MYO5B: variants seen among roughly 807,000 people sequenced by gnomAD.
The protein encoded by MYO5B is myosin VB.
MYO5B carries 143 observed loss-of-function variants against 229.3 expected under a neutral mutation model. The observed-to-expected ratio is 0.62, with a 90% CI of 0.54 to 0.72. The LOEUF (loss-of-function observed/expected upper bound fraction) is 0.72, where lower values mean the gene tolerates loss of function less well. Ranked by LOEUF, MYO5B falls within the 30% of genes least tolerant of loss-of-function variation. MYO5B has a pLI of 0.00. For synonymous variants in MYO5B, 918 were observed against 885.2 expected (o/e 1.04, Z -0.66); for missense variants, 2,321 against 2,331.0 (o/e 1.00, Z 0.09).
intron 1 of MYO5B, among the ~76,000 whole-genome samples, chr18:50,173,424 G>C (rs1008432349): frequency 6.6e-6 from 1 of 152,200 alleles, no homozygotes; most frequent in African/African-American, 2.4e-5. Context: ...AAAGCCAAGG[G>C]AAGCATCTAC....
chr18:50,151,644 G>T (rs1177624386), intron 1 of MYO5B, among the ~76,000 whole-genome samples: 1 of 152,078 alleles, frequency 6.6e-6, no homozygotes, highest in African/African-American at 2.4e-5. Flanking sequence ...AAAATGCTTG[G>T]CTCTAGAAAA....
intron 4 of MYO5B, among the ~76,000 whole-genome samples, chr18:50,011,722 T>G (rs2026162457): frequency 6.6e-6 from 1 of 152,050 alleles, no homozygotes; most frequent in African/African-American, 2.4e-5. Context: ...CCCTCCTAGA[T>G]GCTACCACAG....
At chr18:49,830,975 G>GAA (rs199880638) in intron 39 of MYO5B, among the ~76,000 whole-genome samples, 4 of 133,660 alleles carry the variant, frequency 3.0e-5, no homozygotes, top group African/African-American at 1.0e-4. Flanking sequence ...TAAGGGCCCA[G>GAA]AAAAAAAAAA....
At position 50,001,545 on chromosome 18, in the gene MYO5B, G is replaced by C; in HGVS notation, c.456-134C>G. The C allele has an allele frequency of 4.4e-6, 5 of 1,145,736 alleles. 1 individual carries two copies. The South Asian group carries it at 6.2e-5, about 14-fold the overall frequency. 71.0% of individuals were successfully genotyped at this position (1,145,736 alleles called of 1,614,324 possible). On this transcript the variant is annotated intron_variant, in intron 4 of 39. Coordinates refer to ENST00000285039, the MANE Select transcript of MYO5B (RefSeq NM_001080467.3). ...TTTAATGGATAAACGCAGAGGAACA[G>C]TGTAAAAATAGTCTGCCCTCCCCGA...
intron 1 of MYO5B, among the ~76,000 whole-genome samples, chr18:50,065,766 CAG>C (rs989839210): frequency 1.3e-5 from 2 of 152,160 alleles, no homozygotes; most frequent in African/African-American, 4.8e-5. Context: ...CAGCATGTGA[CAG>C]GGGACCCAAC....
intron 1 of MYO5B, among the ~76,000 whole-genome samples, chr18:50,147,072 A>G (rs535759450): frequency 6.6e-6 from 1 of 152,146 alleles, no homozygotes. Context: ...TTTCAACCTG[A>G]TCCCTCATGA....
At chr18:50,057,046 A>C (rs146524044) in intron 1 of MYO5B, among the ~76,000 whole-genome samples, 156 of 152,338 alleles carry the variant, frequency 1.0e-3, no homozygotes, top group Non-Finnish European at 1.4e-3. Flanking sequence ...GCTTTAAAAT[A>C]ACAAAGAGCT....
At chr18:49,929,712 T>A (rs1325108278) in intron 16 of MYO5B, 114 bp from the exon 17 acceptor site, 1 of 920,538 alleles carries the variant, frequency 1.1e-6, no homozygotes, top group Non-Finnish European at 1.7e-6. Context: ...CTGCTGCCAC[T>A]GAGTTACAGC....
intron 1 of MYO5B, among the ~76,000 whole-genome samples, chr18:50,194,530 G>T (rs2033272661): frequency 6.6e-6 from 1 of 152,226 alleles, no homozygotes; most frequent in Non-Finnish European, 1.5e-5. Flanking sequence ...GAGCCGTGGC[G>T]CTGCGGAACC....
chr18:49,847,494 C>A (rs1433068271), intron 32 of MYO5B, among the ~76,000 whole-genome samples: 1 of 152,200 alleles, frequency 6.6e-6, no homozygotes, highest in Non-Finnish European at 1.5e-5. Flanking sequence ...ACAGCCAGAG[C>A]CACACCCCAA....
At chr18:50,017,394 G>T (rs868294869) in intron 4 of MYO5B, among the ~76,000 whole-genome samples, 1 of 152,154 alleles carries the variant, frequency 6.6e-6, no homozygotes, top group South Asian at 2.1e-4. Context: ...CAAAGTGCTG[G>T]GATTACAGGC....
At chr18:49,884,860 T>C (rs1378966172) in intron 22 of MYO5B, among the ~76,000 whole-genome samples, 2 of 152,054 alleles carry the variant, frequency 1.3e-5, no homozygotes, top group East Asian at 1.9e-4. Context: ...AAAGAAGATA[T>C]ACAAATGGCC....
At chr18:49,845,361 C>G (rs2024112002) in intron 33 of MYO5B, among the ~76,000 whole-genome samples, 1 of 152,208 alleles carries the variant, frequency 6.6e-6, no homozygotes, top group South Asian at 2.1e-4. Context: ...TGGAGCAAAT[C>G]TGTTTAAGGC....
chr18:50,033,415 C>T (rs2026412091), intron 4 of MYO5B, among the ~76,000 whole-genome samples: 1 of 152,204 alleles, frequency 6.6e-6, no homozygotes, highest in African/African-American at 2.4e-5. Flanking sequence ...GGCACAGTTT[C>T]TATTTATACT....
At chr18:49,865,983 C>T (rs2144083446) in intron 27 of MYO5B, among the ~76,000 whole-genome samples, 1 of 152,362 alleles carries the variant, frequency 6.6e-6, no homozygotes, top group Non-Finnish European at 1.5e-5. Flanking sequence ...ACTACCATTC[C>T]CTCATCATCC....
intron 5 of MYO5B, among the ~76,000 whole-genome samples, 165 bp downstream of exon 5, chr18:50,001,090 C>A (rs1204955594): frequency 6.6e-6 from 1 of 152,198 alleles, no homozygotes; most frequent in Non-Finnish European, 1.5e-5. Context: ...ACAACCAGGT[C>A]AACATCCATG....
chr18:50,137,818 G>T (rs140731266), intron 1 of MYO5B, among the ~76,000 whole-genome samples: 1 of 151,978 alleles, frequency 6.6e-6, no homozygotes, highest in Non-Finnish European at 1.5e-5. Context: ...TTGAGATCAC[G>T]TCTTTTGCAG....
chr18:49,938,864 C>G (rs199957004), intron 14 of MYO5B, among the ~76,000 whole-genome samples: 1 of 151,916 alleles, frequency 6.6e-6, no homozygotes, highest in Non-Finnish European at 1.5e-5. Context: ...TTGAGCCCTG[C>G]CCCTCCCGTG....
At chr18:50,181,859 AT>A (rs2033077915) in intron 1 of MYO5B, among the ~76,000 whole-genome samples, 1 of 152,216 alleles carries the variant, frequency 6.6e-6, no homozygotes, top group African/African-American at 2.4e-5. Flanking sequence ...GGAGACATTC[AT>A]TTTCCTTACT....
Sources: gnomAD v4.1 joint callset for allele counts (sites outside exome capture counted in the v4.1 genomes callset) on GRCh38, gnomAD v4.1.1 for gene constraint, MANE v1.5 for transcripts, NCBI Gene and HGNC (gene_info 2026-07-23, HGNC 2026-07-21) for gene names.